Variants in DENND5B observed in about 807,000 individuals in gnomAD.
DENND5B encodes the protein DENN domain-containing protein 5B.
In DENND5B, 34 loss-of-function variants were observed where a neutral mutation model predicts 140.6. That is an observed-to-expected ratio of 0.24 (90% CI 0.18 to 0.32). The LOEUF (loss-of-function observed/expected upper bound fraction) is 0.32. Among genes scored for constraint, DENND5B ranks in the 10% least tolerant of loss-of-function variants. The probability of loss-of-function intolerance (pLI) is 1.00; values close to 1 mark genes in which losing one functional copy is unlikely to be tolerated. For synonymous variants in DENND5B, 551 were observed against 562.1 expected (o/e 0.98, Z 0.28); for missense variants, 1,142 against 1,560.2 (o/e 0.73, Z 4.52).
chr12:31,424,329 T>C (rs1364317521), intron 10 of DENND5B, among the ~76,000 whole-genome samples: 3 of 152,182 alleles, frequency 2.0e-5, no homozygotes, highest in Non-Finnish European at 4.4e-5. Flanking sequence ...TATTTCATCC[T>C]TTCCCGCTTA....
chr12:31,550,722 A>T (rs1949022652), intron 1 of DENND5B, among the ~76,000 whole-genome samples: 1 of 152,086 alleles, frequency 6.6e-6, no homozygotes, highest in Non-Finnish European at 1.5e-5. Flanking sequence ...CCTCTCCAGC[A>T]CCTGTTGTTT....
At chr12:31,522,521 G>A (rs899295166) in intron 1 of DENND5B, among the ~76,000 whole-genome samples, 1 of 152,142 alleles carries the variant, frequency 6.6e-6, no homozygotes, top group Non-Finnish European at 1.5e-5. Flanking sequence ...CTAGCTCACT[G>A]CAACCTCTGC....
intron 2 of DENND5B, among the ~76,000 whole-genome samples, chr12:31,492,393 G>A (rs1361628342): frequency 6.6e-6 from 1 of 152,162 alleles, no homozygotes; most frequent in Non-Finnish European, 1.5e-5. Flanking sequence ...CCAAATGACT[G>A]TGGATTCATA....
At chr12:31,585,727 G>T (rs960399660) in intron 1 of DENND5B, among the ~76,000 whole-genome samples, 3 of 152,164 alleles carry the variant, frequency 2.0e-5, no homozygotes, top group Admixed American at 6.5e-5. Context: ...TAAATGTTCT[G>T]CTTATTTGAA....
At chr12:31,472,095 G>C (rs553815234) in intron 3 of DENND5B, among the ~76,000 whole-genome samples, 1 of 152,088 alleles carries the variant, frequency 6.6e-6, no homozygotes, top group Non-Finnish European at 1.5e-5. Flanking sequence ...CCTTTTATGT[G>C]GGCACTCCAT....
chr12:31,494,485 A>T (rs894365786), intron 2 of DENND5B, among the ~76,000 whole-genome samples: 3 of 152,080 alleles, frequency 2.0e-5, no homozygotes, highest in East Asian at 1.9e-4. Context: ...ACTAAATCAA[A>T]AGGAAAACCC....
intron 1 of DENND5B, among the ~76,000 whole-genome samples, chr12:31,572,742 C>A (rs1183929908): frequency 6.6e-6 from 1 of 152,106 alleles, no homozygotes; most frequent in African/African-American, 2.4e-5. Flanking sequence ...TTGTATGACA[C>A]CCTCTAATTC....
In DENND5B at chr12:31,408,070, TG is replaced by T. The variant is rs552215936; in HGVS notation, c.2803+1192del. On this transcript the variant is annotated intron_variant, in intron 14 of 20. Transcript: ENST00000389082. ...TAGCACATTGGGAGGTTGAGGCGGA[TG>T]GATCACCTGAGGTCAGGAGTTTGAG... Among the ~76,000 whole-genome samples, 26 of 152,276 alleles carry T rather than the reference TG, an allele frequency of 1.7e-4. No homozygotes were observed. The South Asian group carries it at 5.2e-3, about 30-fold the overall frequency.
At chr12:31,436,192 C>T (rs954689941) in intron 7 of DENND5B, among the ~76,000 whole-genome samples, 17 of 148,750 alleles carry the variant, frequency 1.1e-4, no homozygotes, top group African/African-American at 1.2e-4. Flanking sequence ...CTCCGTCTCC[C>T]GGGTTCAAGT....
Position 31,423,612 on chromosome 12 carries a change from G to C in DENND5B, c.2455C>G (p.Leu819Val). The change falls in exon 11 of 21, where the codon CTT (leucine) becomes GTT (valine). Residue 819 changes from leucine (L) to valine (V), a missense_variant. Physicochemically the swap from Leu to Val is conservative, Grantham distance 32 (BLOSUM62 1). This residue lies in a region of DENND5B where 268 missense variants were observed against 349.2 expected (regional missense o/e 0.77). Coordinates refer to ENST00000389082, the MANE Select transcript of DENND5B (RefSeq NM_144973.4). ...GATGTCATACCTGGTGATTCTGCAA[G>C]GTGCTCTTGTTTCTCTTCTCTGTCC... ...FQDREEKQEH[L>V]AESPVALGPE... 6.2e-7 allele frequency: 1 copy of C among 1,613,834 alleles called. No homozygotes were observed. The highest frequency in any genetic ancestry group is 1.7e-5 in the Admixed American group (1 of 59,998).
intron 11 of DENND5B, among the ~76,000 whole-genome samples, chr12:31,415,676 T>A (rs983978380): frequency 1.3e-5 from 2 of 152,146 alleles, no homozygotes; most frequent in African/African-American, 4.8e-5. Context: ...CTCAACCTCC[T>A]GGGCTCAAGC....
chr12:31,429,687 G>T (rs1414292598), intron 8 of DENND5B, among the ~76,000 whole-genome samples: 1 of 151,868 alleles, frequency 6.6e-6, no homozygotes, highest in East Asian at 1.9e-4. Context: ...GGGATTACAG[G>T]TGTAAGCCAC....
Position 31,384,566 on chromosome 12 carries a change from C to T in DENND5B, c.*3037G>A, listed in dbSNP as rs1593021816. On this transcript the variant is annotated 3_prime_UTR_variant, in exon 21 of 21. Transcript: ENST00000389082. ...TGTATCAACGGAATAAGTACATGGG[C>T]TCACAAGGTGACTGAAGGACCCATC... is the stretch of plus-strand genomic sequence containing the variant. 6.6e-6 allele frequency: 1 copy of T among 152,248 alleles called. No individual in the cohort carries two copies. Among genetic ancestry groups the T allele is most frequent in the East Asian group, 1.9e-4 (1 of 5,178 alleles). 9.4% of individuals were successfully genotyped at this position (152,248 alleles called of 1,614,324 possible). A position where few individuals can be genotyped will look rare whatever the true frequency, so the allele number is the denominator to read the frequency against.
In DENND5B at chr12:31,387,636, T is replaced by C; in HGVS notation, c.3792A>G (p.Leu1264=). The change falls in exon 21 of 21, where the codon CTA becomes CTG. Residue 1264 remains leucine, a synonymous_variant. Transcript: ENST00000389082. ...CCACTCCTTTGATGAGTGATCCTTC[T>C]AGGACTATGGTGAAGTCCTGAATGG... ...LQTIQDFTIV[L]EGSLIKGVDV 1.2e-6 allele frequency: 2 copies of C among 1,614,018 alleles called. No homozygotes were observed. Among genetic ancestry groups the C allele is most frequent in the African/African-American group, 1.3e-5 (1 of 75,074 alleles).
chr12:31,402,704 C>G, intron 14 of DENND5B, 61 bp from the exon 15 acceptor site: 1 of 1,519,138 alleles, frequency 6.6e-7, no homozygotes, highest in Non-Finnish European at 8.8e-7. Flanking sequence ...TATAACAAAA[C>G]ATATATTAAG....
chr12:31,424,633 C>T lies in DENND5B; in HGVS notation c.2293G>A (p.Gly765Arg). The change falls in exon 10 of 21, where the codon GGA becomes AGA. Residue 765 changes from glycine (G) to arginine (R), a missense_variant. Coordinates refer to ENST00000389082, the MANE Select transcript of DENND5B (RefSeq NM_144973.4). ...MGHEAVELGH[G>R]EANITGLEEN... ...TCCAGGCCGGTGATGTTTGCTTCTC[C>T]ATGGCCAAGTTCCACCGCTTCATGT... 4 of 1,613,974 alleles carry T rather than the reference C, an allele frequency of 2.5e-6. No homozygotes were observed. Among genetic ancestry groups the T allele is most frequent in the Non-Finnish European group, 3.4e-6 (4 of 1,179,882 alleles).
At chr12:31,417,015 C>T (rs1201963890) in intron 11 of DENND5B, among the ~76,000 whole-genome samples, 1 of 145,864 alleles carries the variant, frequency 6.9e-6, no homozygotes, top group East Asian at 2.0e-4. Flanking sequence ...TCATCTGAGC[C>T]CACCACTGCA....
At chr12:31,458,297 A>G (rs937585046) in intron 4 of DENND5B, among the ~76,000 whole-genome samples, 1 of 152,218 alleles carries the variant, frequency 6.6e-6, no homozygotes. Flanking sequence ...ATACATATAA[A>G]TTATCTTATA....
intron 1 of DENND5B, among the ~76,000 whole-genome samples, chr12:31,557,039 G>C (rs1007651842): frequency 1.3e-5 from 2 of 152,074 alleles, no homozygotes; most frequent in African/African-American, 4.8e-5. Context: ...GTAAATAAGG[G>C]TGTAAAGTAC....
Sources: allele counts gnomAD v4.1 joint callset (sites outside exome capture counted in the v4.1 genomes callset), GRCh38; gene constraint gnomAD v4.1.1; regional missense constraint gnomAD v4.1.1; transcripts MANE v1.5; gene names NCBI Gene and HGNC (gene_info 2026-07-23, HGNC 2026-07-21).